Variants in LMX1A observed in about 807,000 individuals in gnomAD.
The protein encoded by LMX1A is LIM homeobox transcription factor 1-alpha.
In LMX1A, 15 loss-of-function variants were observed where a neutral mutation model predicts 49.1. The ratio of observed to expected loss-of-function variants is 0.31; its 90% confidence interval spans 0.20 to 0.47. The LOEUF is 0.47. LMX1A is among the 20% of genes least tolerant of loss of function. LMX1A has a pLI of 1.00. For missense variants in LMX1A, 372 were observed against 475.8 expected (o/e 0.78, Z 2.03); for synonymous variants, 167 against 185.7 (o/e 0.90, Z 0.82).
intron 3 of LMX1A, among the ~76,000 whole-genome samples, chr1:165,265,182 C>T (rs1354721244): frequency 1.4e-5 from 2 of 145,382 alleles, no homozygotes; most frequent in Admixed American, 7.0e-5. Context: ...CCAGCCTGGG[C>T]GACAGTGAGC....
intron 4 of LMX1A, among the ~76,000 whole-genome samples, chr1:165,222,105 C>G (rs1309785788): frequency 1.3e-5 from 2 of 152,182 alleles, no homozygotes; most frequent in South Asian, 4.1e-4. Flanking sequence ...TTTGTCAGAA[C>G]TGCAAATACT....
At chr1:165,342,375 A>ATGAT (rs1204626363) in intron 3 of LMX1A, among the ~76,000 whole-genome samples, 4 of 152,214 alleles carry the variant, frequency 2.6e-5, no homozygotes, top group Non-Finnish European at 5.9e-5. Context: ...AGCTCCGGAT[A>ATGAT]TGATATTCAA....
At chr1:165,239,514 G>T (rs550492417) in intron 4 of LMX1A, among the ~76,000 whole-genome samples, 11 of 152,238 alleles carry the variant, frequency 7.2e-5, no homozygotes, top group Middle Eastern at 3.4e-3. Context: ...TACACTAGAA[G>T]ACAAAAGTTC....
Position 165,356,486 on chromosome 1 carries a change from G to A in LMX1A, c.-154C>T, listed in dbSNP as rs1355411760. 1 of 152,126 alleles carries A rather than the reference G, an allele frequency of 6.6e-6. No homozygotes were observed. Among genetic ancestry groups the A allele is most frequent in the Non-Finnish European group, 1.5e-5 (1 of 68,020 alleles). 9.4% of individuals were successfully genotyped at this position (152,126 alleles called of 1,614,324 possible). A position where few individuals can be genotyped will look rare whatever the true frequency, so the allele number is the denominator to read the frequency against. On this transcript the variant is annotated 5_prime_UTR_variant, in exon 1 of 9. Coordinates refer to ENST00000342310, the MANE Select transcript of LMX1A (RefSeq NM_177398.4). ...GCCGCCCTCGGCTTCGGAGCGCCGG[G>A]GAGGGAGCCGGAGCGAACGCCGGCC...
At chr1:165,221,869 G>T (rs1410254306) in intron 4 of LMX1A, among the ~76,000 whole-genome samples, 1 of 151,246 alleles carries the variant, frequency 6.6e-6, no homozygotes, top group Non-Finnish European at 1.5e-5. Flanking sequence ...CATTTGGATA[G>T]ATCTTAAGCT....
At chr1:165,257,404 C>A (rs950965530) in intron 3 of LMX1A, among the ~76,000 whole-genome samples, 3 of 151,652 alleles carry the variant, frequency 2.0e-5, no homozygotes, top group African/African-American at 7.3e-5. Flanking sequence ...TCTTGAGACT[C>A]CACTGCAGAC....
chr1:165,262,313 C>T (rs1032769066), intron 3 of LMX1A, among the ~76,000 whole-genome samples: 1 of 151,990 alleles, frequency 6.6e-6, no homozygotes, highest in African/African-American at 2.4e-5. Context: ...TTTTTTCTGC[C>T]TGGAATTAAA....
intron 4 of LMX1A, among the ~76,000 whole-genome samples, chr1:165,229,254 A>T (rs921921333): frequency 1.3e-5 from 2 of 152,242 alleles, no homozygotes; most frequent in African/African-American, 4.8e-5. Context: ...GAAATAGAGC[A>T]TCAGCTCTGC....
intron 4 of LMX1A, among the ~76,000 whole-genome samples, chr1:165,247,054 C>CTTTTTTTTTTTT (rs71097567): frequency 0.022 from 1,166 of 53,194 alleles, 361 homozygotes; most frequent in African/African-American, 0.045. Context: ...TCAGCTTTTT[C>CTTTTTTTTTTTT]TTTTTTTTTT....
chr1:165,204,542 C>T (rs1650990726), intron 8 of LMX1A, among the ~76,000 whole-genome samples: 3 of 152,214 alleles, frequency 2.0e-5, no homozygotes. Flanking sequence ...AGGTTAGGTG[C>T]CTACCTTCAA....
chr1:165,262,616 C>T (rs1295053359), intron 3 of LMX1A, among the ~76,000 whole-genome samples: 2 of 152,206 alleles, frequency 1.3e-5, no homozygotes, highest in Admixed American at 1.3e-4. Flanking sequence ...ATGTCCTACA[C>T]TCCTATCAAG....
chr1:165,272,349 C>G (rs1653820523), intron 3 of LMX1A, among the ~76,000 whole-genome samples: 2 of 152,184 alleles, frequency 1.3e-5, no homozygotes, highest in African/African-American at 4.8e-5. Flanking sequence ...TTCTTAAGAG[C>G]CCACAGAGAT....
At position 165,288,719 on chromosome 1, in the gene LMX1A, C is replaced by T. The variant is rs544597891; in HGVS notation, c.264-39079G>A. On this transcript the variant is annotated intron_variant, in intron 3 of 8. Transcript: ENST00000342310. ...GTGTGCGTGTGTATGCGTGTTTGCG[C>T]GCCTGTGCTCACACACAGGCTCAGG... Among the ~76,000 whole-genome samples, 8 of 152,308 alleles carry T rather than the reference C, an allele frequency of 5.3e-5. No individual in the cohort carries two copies. In the South Asian group the frequency reaches 6.2e-4, roughly 12 times the overall value.
At chr1:165,229,371 T>C (rs1044787306) in intron 4 of LMX1A, among the ~76,000 whole-genome samples, 1 of 152,204 alleles carries the variant, frequency 6.6e-6, no homozygotes, top group Non-Finnish European at 1.5e-5. Context: ...ATGGAAGCTA[T>C]AGATGGCCCC....
intron 4 of LMX1A, among the ~76,000 whole-genome samples, chr1:165,229,602 C>T (rs892399329): frequency 6.6e-6 from 1 of 152,222 alleles, no homozygotes; most frequent in African/African-American, 2.4e-5. Context: ...TAAATGATGT[C>T]TTAGATTCCT....
At chr1:165,247,917 A>G (rs190303818) in intron 4 of LMX1A, among the ~76,000 whole-genome samples, 1 of 152,326 alleles carries the variant, frequency 6.6e-6, no homozygotes, top group East Asian at 1.9e-4. Context: ...GCACCATGCC[A>G]TAATGGTTTT....
At chr1:165,327,079 T>A (rs936786714) in intron 3 of LMX1A, among the ~76,000 whole-genome samples, 1 of 152,026 alleles carries the variant, frequency 6.6e-6, no homozygotes, top group Non-Finnish European at 1.5e-5. Flanking sequence ...AAAACATGCA[T>A]CTAGAGACTA....
intron 3 of LMX1A, among the ~76,000 whole-genome samples, chr1:165,287,164 GC>G (rs1396184562): frequency 1.3e-5 from 2 of 152,156 alleles, no homozygotes; most frequent in Non-Finnish European, 2.9e-5. Flanking sequence ...CTAGCCAGTT[GC>G]CCCAAGTAGC....
chr1:165,317,372 C>T (rs1369855752), intron 3 of LMX1A, among the ~76,000 whole-genome samples: 1 of 152,154 alleles, frequency 6.6e-6, no homozygotes, highest in African/African-American at 2.4e-5. Context: ...GAATAAATTG[C>T]ATTCTAGATT....
Sources: gnomAD v4.1 joint callset for allele counts (sites outside exome capture counted in the v4.1 genomes callset) on GRCh38, gnomAD v4.1.1 for gene constraint, MANE v1.5 for transcripts, NCBI Gene and HGNC (gene_info 2026-07-23, HGNC 2026-07-21) for gene names.